RBL1: variants seen among roughly 807,000 people sequenced by gnomAD.
RBL1 encodes the protein RB transcriptional corepressor like 1.
Under a neutral mutation model 123.0 loss-of-function variants are expected in RBL1, and 82 were observed. The observed-to-expected ratio is 0.67, with a 90% confidence interval of 0.56 to 0.80. RBL1 has a LOEUF of 0.80. Among genes scored for constraint, RBL1 ranks in the 30% least tolerant of loss-of-function variants. RBL1 has a pLI of 0.00. For missense variants in RBL1, 1,171 were observed against 1,299.6 expected (o/e 0.90, Z 1.52); for synonymous variants, 405 against 441.3 (o/e 0.92, Z 1.03).
rs1239363112 is a variant in RBL1 at position 37,095,785 on chromosome 20, G to T, written c.144C>A (p.Asn48Lys). The change falls in exon 1 of 22, where the codon AAC (asparagine) becomes AAA (lysine). Residue 48 changes from asparagine (N) to lysine (K), a missense_variant. Asn to Lys is a moderately conservative substitution (Grantham distance 94). Coordinates refer to ENST00000373664, the MANE Select transcript of RBL1 (RefSeq NM_002895.5). ...TGCTGCCGCTCACCTCTAGGCTGTAGTTGCCTCGGATGGCAGTAAAGTCGT... is the reference window on the plus strand; with the variant it reads ...TGCTGCCGCTCACCTCTAGGCTGTATTTGCCTCGGATGGCAGTAAAGTCGT... ...ALDDFTAIRG[N>K]YSLEGEVTHW... is the part of the protein sequence containing the mutation. 1 of 1,609,142 alleles carries T rather than the reference G, an allele frequency of 6.2e-7. No individual in the cohort carries two copies. Among genetic ancestry groups the T allele is most frequent in the South Asian group, 1.1e-5 (1 of 90,374 alleles).
At position 37,007,579 on chromosome 20, in the gene RBL1, G is replaced by A; in HGVS notation, c.2723-20C>T. 6.2e-7 allele frequency: 1 copy of A among 1,608,154 alleles called. No homozygotes were observed. Among genetic ancestry groups the A allele is most frequent in the Non-Finnish European group, 8.5e-7 (1 of 1,178,222 alleles). On this transcript the variant is annotated intron_variant, in intron 19 of 21. Coordinates refer to ENST00000373664, the MANE Select transcript of RBL1 (RefSeq NM_002895.5). ...CTAAGTCTGTTAAAAAGAATGCAAT[G>A]TTGTGATACAAAGCATACTTTTTAT... is the stretch of plus-strand genomic sequence containing the variant.
intron 19 of RBL1, among the ~76,000 whole-genome samples, chr20:37,016,026 T>TTG (rs1568825296): frequency 6.8e-6 from 1 of 146,624 alleles, no homozygotes. Context: ...CAGCGGTTTT[T>TTG]TTTTTTTTTT....
intron 19 of RBL1, among the ~76,000 whole-genome samples, chr20:37,015,478 T>TC (rs2064234925): frequency 6.6e-6 from 1 of 151,602 alleles, no homozygotes; most frequent in Non-Finnish European, 1.5e-5. Context: ...TCGCCCAGGG[T>TC]AGAGTGCAGT....
intron 6 of RBL1, 141 bp from the exon 7 acceptor site, chr20:37,065,614 A>G: frequency 1.7e-6 from 1 of 572,526 alleles, no homozygotes; most frequent in Non-Finnish European, 2.9e-6. Context: ...AGACTAGGAT[A>G]AACTATTTAG....
rs137980031 is a variant in RBL1 at position 37,036,398 on chromosome 20, C to T, written c.1904-890G>A. Among the ~76,000 whole-genome samples, 823 of 152,126 alleles carry T rather than the reference C, an allele frequency of 5.4e-3. 8 individuals carry two copies. Among genetic ancestry groups the T allele is most frequent in the African/African-American group, 0.019 (780 of 41,504 alleles). ...GTTCAAGCGATTCTCCTGCCTCAGC[C>T]TCCCAAGTAGCTGGGACTACAGGCA... On this transcript the variant is annotated intron_variant, in intron 14 of 21. Transcript: ENST00000373664.
chr20:37,047,336 T>C (rs1216707153), intron 11 of RBL1, 146 bp from the exon 12 acceptor site: 31 of 938,700 alleles, frequency 3.3e-5, no homozygotes, highest in Admixed American at 1.1e-4. Context: ...AGTTCTCAAA[T>C]TGGTAGTTTT....
intron 2 of RBL1, among the ~76,000 whole-genome samples, chr20:37,081,129 C>T (rs2065441960): frequency 6.6e-6 from 1 of 152,282 alleles, no homozygotes; most frequent in Non-Finnish European, 1.5e-5. Context: ...ATCAAAGGGA[C>T]AGTCATGTAG....
rs763842455 is a variant in RBL1, at chr20:37,095,954, C to A, written c.-26G>T. On this transcript the variant is annotated 5_prime_UTR_variant, in exon 1 of 22. Coordinates refer to ENST00000373664, the MANE Select transcript of RBL1 (RefSeq NM_002895.5). ...CCCTTCAGGCCCCGCGGGCTGCGCG[C>A]CACGGCCCCCGACTTCTTTCTCCCT... 2.7e-6 allele frequency: 4 copies of A among 1,485,330 alleles called. No individual in the cohort carries two copies. Among genetic ancestry groups the A allele is most frequent in the East Asian group, 4.9e-5 (2 of 41,214 alleles). The allele number at this position is 1,485,330 out of a possible 1,614,324, so 92.0% of individuals were successfully genotyped here. A position where few individuals can be genotyped will look rare whatever the true frequency, so the allele number is the denominator to read the frequency against.
intron 2 of RBL1, among the ~76,000 whole-genome samples, chr20:37,071,315 T>C (rs2065278223): frequency 6.6e-6 from 1 of 152,182 alleles, no homozygotes; most frequent in South Asian, 2.1e-4. Flanking sequence ...TCCAAAGCTA[T>C]TTAATGTGGT....
chr20:37,021,913 C>G (rs1209765863), intron 17 of RBL1: 2 of 159,054 alleles, frequency 1.3e-5, no homozygotes, highest in Admixed American at 6.2e-5. Flanking sequence ...TTACATCAAA[C>G]CAATCTTTCT....
chr20:37,010,462 G>A (rs550875568), intron 19 of RBL1, among the ~76,000 whole-genome samples: 31 of 152,134 alleles, frequency 2.0e-4, no homozygotes, highest in African/African-American at 7.5e-4. Flanking sequence ...GAAATGCATT[G>A]TTGAAATGAT....
chr20:37,003,677 C>A, intron 21 of RBL1, 25 bp downstream of exon 21: 1 of 1,551,856 alleles, frequency 6.4e-7, no homozygotes, highest in South Asian at 1.2e-5. Context: ...AATCTGAAAT[C>A]CAACTTTTAG....
rs572719405 is a variant in RBL1 at position 37,015,833 on chromosome 20, C to G, written c.2722+2446G>C. On this transcript the variant is annotated intron_variant, in intron 19 of 21. Transcript: ENST00000373664. ...CTCTGCCGCCCAAGTTCAAGTGATT[C>G]TCCTGCCTCAGCCTCCTGAGTAGCT... Among the ~76,000 whole-genome samples, 416 of 152,024 alleles carry G rather than the reference C, an allele frequency of 2.7e-3. 2 individuals carry two copies. The highest frequency in any genetic ancestry group is 9.4e-3 in the African/African-American group (390 of 41,440).
intron 16 of RBL1, among the ~76,000 whole-genome samples, chr20:37,030,862 A>C (rs925143827): frequency 6.6e-6 from 1 of 151,356 alleles, no homozygotes; most frequent in Non-Finnish European, 1.5e-5. Context: ...CTCAAAAAAA[A>C]AAAAAACAAA....
intron 16 of RBL1, among the ~76,000 whole-genome samples, chr20:37,025,965 G>A (rs1251999663): frequency 6.6e-5 from 10 of 151,944 alleles, no homozygotes; most frequent in African/African-American, 2.2e-4. Context: ...GGATGGTCTC[G>A]AACTCCTGAC....
chr20:37,067,217 G>T lies in RBL1; in HGVS notation c.556+16C>A. ...CCCAGAGTAGAAATGTAAGACCACT[G>T]AAAGTGTCATCTTACCCTTAGTATA... On this transcript the variant is annotated intron_variant, in intron 4 of 21. Transcript: ENST00000373664. 1 of 1,591,634 alleles carries T rather than the reference G, an allele frequency of 6.3e-7. No individual in the cohort carries two copies. Among genetic ancestry groups the T allele is most frequent in the Non-Finnish European group, 8.5e-7 (1 of 1,172,118 alleles).
intron 3 of RBL1, among the ~76,000 whole-genome samples, 197 bp downstream of exon 3, chr20:37,067,789 A>AAC (rs2065204533): frequency 1.3e-5 from 2 of 150,842 alleles, no homozygotes; most frequent in Admixed American, 6.6e-5. Context: ...AAAAAAAAAA[A>AAC]AACAACAACA....
At chr20:37,070,961 T>C (rs558025071) in intron 2 of RBL1, among the ~76,000 whole-genome samples, 2 of 152,054 alleles carry the variant, frequency 1.3e-5, no homozygotes, top group Admixed American at 1.3e-4. Context: ...AGTGGCATGA[T>C]CTTGGCTCAC....
At chr20:37,073,476 T>C (rs1045653739) in intron 2 of RBL1, among the ~76,000 whole-genome samples, 4 of 151,694 alleles carry the variant, frequency 2.6e-5, no homozygotes, top group Non-Finnish European at 5.9e-5. Context: ...GGTGGGAGGA[T>C]TGCTTGAGCC....
Sources: gnomAD v4.1 joint callset for allele counts (sites outside exome capture counted in the v4.1 genomes callset) on GRCh38, gnomAD v4.1.1 for gene constraint, MANE v1.5 for transcripts, NCBI Gene and HGNC (gene_info 2026-07-23, HGNC 2026-07-21) for gene names.